Variants in SLC12A4 observed in about 807,000 individuals in gnomAD.
SLC12A4 encodes the protein solute carrier family 12 member 4.
Under a neutral mutation model 119.2 loss-of-function variants are expected in SLC12A4, and 84 were observed. That is an observed-to-expected ratio of 0.70 (90% CI 0.59 to 0.85). The LOEUF (loss-of-function observed/expected upper bound fraction) is 0.85. Ranked by LOEUF, SLC12A4 falls within the 40% of genes least tolerant of loss-of-function variation. The pLI is 0.00. For synonymous variants in SLC12A4, 599 were observed against 604.6 expected (o/e 0.99, Z 0.14); for missense variants, 1,298 against 1,476.3 (o/e 0.88, Z 1.98).
intron 3 of SLC12A4, 98 bp from the exon 4 acceptor site, chr16:67,958,142 GC>G: frequency 7.4e-7 from 1 of 1,351,026 alleles, no homozygotes; most frequent in Non-Finnish European, 1.0e-6. Flanking sequence ...CCCCAGTGGG[GC>G]CCCAGGGAAC....
intron 17 of SLC12A4, 84 bp downstream of exon 17, chr16:67,946,853 G>C: frequency 6.7e-7 from 1 of 1,483,832 alleles, no homozygotes; most frequent in Non-Finnish European, 9.1e-7. Flanking sequence ...GGCCACCCTG[G>C]CCAAGACTGG....
Position 67,945,423 on chromosome 16 carries a change from G to A in SLC12A4, c.2978C>T (p.Thr993Ile). The change falls in exon 22 of 24, where the codon ACC becomes ATC. Residue 993 changes from threonine (T) to isoleucine (I), a missense_variant. Transcript: ENST00000316341. ...GTCAGGGGCATGGCTGGGGTCCCAGGTCTCAGTCATGTACTTGTCCCTGGT... is the reference window on the plus strand; with the variant it reads ...GTCAGGGGCATGGCTGGGGTCCCAGATCTCAGTCATGTACTTGTCCCTGGT... ...TWTRDKYMTE[T>I]WDPSHAPDNF... is the part of the protein sequence containing the mutation. 6.2e-7 allele frequency: 1 copy of A among 1,614,034 alleles called. No homozygotes were observed. Among genetic ancestry groups the A allele is most frequent in the Non-Finnish European group, 8.5e-7 (1 of 1,179,996 alleles).
chr16:67,947,306 T>G, intron 16 of SLC12A4, 25 bp downstream of exon 16: 1 of 1,605,376 alleles, frequency 6.2e-7, no homozygotes, highest in Non-Finnish European at 8.5e-7. Flanking sequence ...CTCTGCGCCC[T>G]GGCCAGGGTC....
At position 67,946,288 on chromosome 16, in the gene SLC12A4, G is replaced by A. The variant is rs1237696302; in HGVS notation, c.2490C>T (p.Asn830=). ...AAHLALLVPK[N]IAFYPSNHER... is the part of the protein sequence containing the mutation. The stretch of plus-strand genomic sequence containing the variant: ...CGTGGTTGCTGGGGTAGAAGGCGAT[G>A]TTCTTGGGCACGAGCAGGGCCAGGT... Residue 830 remains asparagine, a synonymous_variant, in exon 19 of 24, where the codon AAC becomes AAT. Transcript: ENST00000316341. 1 of 1,613,156 alleles carries A rather than the reference G, an allele frequency of 6.2e-7. No homozygotes were observed. Among genetic ancestry groups the A allele is most frequent in the Non-Finnish European group, 8.5e-7 (1 of 1,180,036 alleles).
In SLC12A4 at chr16:67,948,138, C is replaced by T; in HGVS notation, c.1770G>A (p.Leu590=). 2 of 1,613,246 alleles carry T rather than the reference C, an allele frequency of 1.2e-6. No homozygotes were observed. The highest frequency in any genetic ancestry group is 2.2e-5 in the South Asian group (2 of 91,090). Residue 590 remains leucine, a synonymous_variant, in exon 14 of 24, where the codon CTG becomes CTA. Transcript: ENST00000316341. ...ILSMFFLMCY[L]FVNLACAVQT... ...GCACCGCACAGGCGAGGTTCACGAA[C>T]AGGTAGCACATCAGAAAGAACCTGC...
At chr16:67,958,075 G>C (rs768188376) in intron 3 of SLC12A4, 31 bp from the exon 4 acceptor site, 2 of 1,605,072 alleles carry the variant, frequency 1.2e-6, no homozygotes, top group East Asian at 4.5e-5. Flanking sequence ...GGGGCGAGTA[G>C]AGCATCAGAG....
chr16:67,961,383 C>G (rs986884643), intron 3 of SLC12A4, among the ~76,000 whole-genome samples, 192 bp downstream of exon 3: 1 of 152,160 alleles, frequency 6.6e-6, no homozygotes, highest in African/African-American at 2.4e-5. Flanking sequence ...CCCTCTGCCC[C>G]CCGGGGGGAT....
Position 67,950,606 on chromosome 16 carries a change from C to T in SLC12A4, c.1454+48G>A, listed in dbSNP as rs374575960. 4 of 1,608,048 alleles carry T rather than the reference C, an allele frequency of 2.5e-6. No homozygotes were observed. The highest frequency in any genetic ancestry group is 2.2e-5 in the East Asian group (1 of 44,498). On this transcript the variant is annotated intron_variant, in intron 11 of 23. Transcript: ENST00000316341. This position sits in a 1 kb window ranked among gnomAD's most constrained non-coding sequence, Gnocchi z 4.3. The stretch of plus-strand genomic sequence containing the variant: ...ACGGGGTTGGGAGCTGGTGTGAGGG[C>T]AGGCCAAAGCCCAGCCGCTGCTAAA...
chr16:67,961,531 C>T lies in SLC12A4; in HGVS notation c.342+44G>A, dbSNP rs781143443. 1.9e-6 allele frequency: 3 copies of T among 1,602,048 alleles called. No individual in the cohort carries two copies. In the African/African-American group the frequency reaches 4.0e-5, roughly 21 times the overall value. ...AACAGTCAATTCCATGGTGCTGTGT[C>T]TGTCTTCCCAGGTGTGGCCCCTCTG... On this transcript the variant is annotated intron_variant, in intron 3 of 23. Coordinates refer to ENST00000316341, the MANE Select transcript of SLC12A4 (RefSeq NM_005072.5).
At chr16:67,965,321 T>G (rs1004978120) in intron 1 of SLC12A4, among the ~76,000 whole-genome samples, 4 of 150,860 alleles carry the variant, frequency 2.7e-5, no homozygotes, top group African/African-American at 9.9e-5. Context: ...ACAAAAAAAG[T>G]GTCTCCCTTT....
chr16:67,956,757 G>A (rs1417343748), intron 5 of SLC12A4, among the ~76,000 whole-genome samples: 2 of 150,586 alleles, frequency 1.3e-5, no homozygotes, highest in East Asian at 1.9e-4. Context: ...ACATACACAC[G>A]TAAACATATA....
intron 3 of SLC12A4, among the ~76,000 whole-genome samples, chr16:67,959,388 G>A (rs781483722): frequency 3.9e-4 from 59 of 152,162 alleles, no homozygotes; most frequent in Admixed American, 2.1e-3. Context: ...GAAGACCCAC[G>A]AGACAGTGCC....
rs2030691367 is a variant in SLC12A4 at position 67,963,472 on chromosome 16, A to T, written c.203T>A (p.Leu68Gln). 1 of 1,570,248 alleles carries T rather than the reference A, an allele frequency of 6.4e-7. No homozygotes were observed. Among genetic ancestry groups the T allele is most frequent in the Non-Finnish European group, 8.6e-7 (1 of 1,166,804 alleles). Residue 68 changes from leucine (L) to glutamine (Q), a missense_variant, in exon 2 of 24, where the codon CTG (leucine) becomes CAG (glutamine). Leu to Gln is a moderately radical substitution (Grantham distance 113). Transcript: ENST00000316341. ...AAATGGCTCCTCAGCTACCTCAAAC[A>T]GTGCCAGGTTCCTGTCATAGTAGTC... ...GIDYYDRNLA[L>Q]FEEELDIRPK...
Position 67,947,807 on chromosome 16 carries a change from CAG to C in SLC12A4, c.1848-21_1848-20del, listed in dbSNP as rs906307298. On this transcript the variant is annotated intron_variant, in intron 14 of 23. Transcript: ENST00000316341. ...CAGCGCCCTGGACGAGAGGGGAGGGCAGAGTCAGGGCAGGACCAGGAGGACCC... is the reference window on the plus strand; with the variant it reads ...CAGCGCCCTGGACGAGAGGGGAGGGCAGTCAGGGCAGGACCAGGAGGACCC... 4 of 1,572,474 alleles carry C rather than the reference CAG, an allele frequency of 2.5e-6. No individual in the cohort carries two copies. The African/African-American group carries it at 5.4e-5, about 21-fold the overall frequency.
chr16:67,960,438 G>A (rs1294513431), intron 3 of SLC12A4, among the ~76,000 whole-genome samples: 1 of 152,046 alleles, frequency 6.6e-6, no homozygotes, highest in Non-Finnish European at 1.5e-5. Context: ...TCTGAAGTGT[G>A]GGCTGGTTTG....
Position 67,945,768 on chromosome 16 carries a change from C to T in SLC12A4, c.2843G>A (p.Arg948Gln), listed in dbSNP as rs754357525. 8.1e-6 allele frequency: 13 copies of T among 1,612,736 alleles called. No homozygotes were observed. The highest frequency in any genetic ancestry group is 1.3e-5 in the African/African-American group (1 of 74,936). The change falls in exon 21 of 24, where the codon CGA (arginine) becomes CAA (glutamine). Residue 948 changes from arginine (R) to glutamine (Q), a missense_variant. By Grantham distance (43) the Arg-to-Gln change is conservative. Coordinates refer to ENST00000316341, the MANE Select transcript of SLC12A4 (RefSeq NM_005072.5). ...TGAACCACAAAGGGCACTGACTTCT[C>T]GCTCCCGCTCAGTCTTGGTCAGTCT... Reference protein sequence around the residue: ...QMRLTKTEREREAQLVKDRHS... With the variant: ...QMRLTKTEREQEAQLVKDRHS...
chr16:67,949,501 C>T lies in SLC12A4; in HGVS notation c.1748+299G>A. The T allele has an allele frequency of 3.6e-6, 1 of 276,824 alleles. No individual in the cohort carries two copies. Among genetic ancestry groups the T allele is most frequent in the Non-Finnish European group, 6.7e-6 (1 of 148,150 alleles). 17.1% of individuals were successfully genotyped at this position (276,824 alleles called of 1,614,324 possible). A position where few individuals can be genotyped will look rare whatever the true frequency, so the allele number is the denominator to read the frequency against. On this transcript the variant is annotated intron_variant, in intron 13 of 23. Transcript: ENST00000316341. This position sits in a 1 kb window ranked among gnomAD's most constrained non-coding sequence, Gnocchi z 4.6. ...ACAAACTAACAGATGGAAGGGGCAGCAGTGGCTTCATGGAGGCATGAGGGA... is the reference window on the plus strand; with the variant it reads ...ACAAACTAACAGATGGAAGGGGCAGTAGTGGCTTCATGGAGGCATGAGGGA...
chr16:67,946,273 G>A lies in SLC12A4; in HGVS notation c.2505C>T (p.Pro835=), dbSNP rs1226959722. 1 of 1,613,488 alleles carries A rather than the reference G, an allele frequency of 6.2e-7. No individual in the cohort carries two copies. The change falls in exon 19 of 24, where the codon CCC becomes CCT. Residue 835 remains proline, a synonymous_variant. Coordinates refer to ENST00000316341, the MANE Select transcript of SLC12A4 (RefSeq NM_005072.5). ...CCTCCAGGTAGCGCTCGTGGTTGCT[G>A]GGGTAGAAGGCGATGTTCTTGGGCA... is the stretch of plus-strand genomic sequence containing the variant. ...LLVPKNIAFY[P]SNHERYLEGH... is the part of the protein sequence containing the mutation.
At position 67,945,229 on chromosome 16, in the gene SLC12A4, A is replaced by G. The variant is rs944795306; in HGVS notation, c.3033-9T>C. Reference sequence around the variant, plus strand: ...GCACATTGGATTGGTCCCTACACGTAGTGTAGCCAGTCACAGGTCGCCATG... The same window carrying G: ...GCACATTGGATTGGTCCCTACACGTGGTGTAGCCAGTCACAGGTCGCCATG... On this transcript the variant is annotated splice_polypyrimidine_tract_variant and intron_variant, in intron 22 of 23. Coordinates refer to ENST00000316341, the MANE Select transcript of SLC12A4 (RefSeq NM_005072.5). 6.4e-7 allele frequency: 1 copy of G among 1,553,128 alleles called. No individual in the cohort carries two copies.
Sources: gnomAD v4.1 joint callset for allele counts (sites outside exome capture counted in the v4.1 genomes callset) on GRCh38, gnomAD v4.1.1 for gene constraint, Gnocchi (gnomAD v3.1) non-coding constraint, MANE v1.5 for transcripts, NCBI Gene and HGNC (gene_info 2026-07-23, HGNC 2026-07-21) for gene names.